The following GARNL3 variants were observed in gnomAD, a reference collection of about 807,000 sequenced individuals.
GARNL3 encodes GTPase activating Rap/RanGAP domain like 3.
In GARNL3, 63 loss-of-function variants were observed where a neutral mutation model predicts 125.0. The ratio of observed to expected loss-of-function variants is 0.50; its 90% confidence interval spans 0.41 to 0.62. GARNL3 has a LOEUF of 0.62. Among genes scored for constraint, GARNL3 ranks in the 20% least tolerant of loss-of-function variants. The pLI, the probability that GARNL3 is intolerant of heterozygous loss-of-function variation, is 0.00. For missense variants in GARNL3, 994 were observed against 1,244.0 expected, an observed-to-expected ratio of 0.80 and a Z score of 3.02; for synonymous variants, 439 against 457.5, an observed-to-expected ratio of 0.96 and a Z score of 0.52.
At chr9:127,335,376 GGAGAGGGCACCATTATGATTCCATAGA>G in intron 10 of GARNL3, 43 bp downstream of exon 10, 1 of 1,384,588 alleles carries the variant, frequency 7.2e-7, no homozygotes, top group Non-Finnish European at 1.0e-6. Context: ...ATGTGAATGT[GGAGAGGGCACCATTATGATTCCATAGA>G]ATTAGGGGCT....
At chr9:127,328,804 C>A (rs143517944) in intron 7 of GARNL3, among the ~76,000 whole-genome samples, 407 of 152,210 alleles carry the variant, frequency 2.7e-3, no homozygotes, top group African/African-American at 9.2e-3. Flanking sequence ...ATGTGACTGC[C>A]TGTTGGTTTG....
intron 7 of GARNL3, among the ~76,000 whole-genome samples, chr9:127,330,457 A>G (rs1829160039): frequency 6.6e-6 from 1 of 152,240 alleles, no homozygotes; most frequent in Non-Finnish European, 1.5e-5. Context: ...TTCTTTTCTC[A>G]TTTATTATGC....
chr9:127,317,845 T>C (rs1441114638), intron 4 of GARNL3, among the ~76,000 whole-genome samples: 3 of 152,218 alleles, frequency 2.0e-5, no homozygotes, highest in Non-Finnish European at 2.9e-5. Flanking sequence ...TTGAAGGCCA[T>C]GCTGAAATCC....
chr9:127,252,947 A>G (rs1050447086), intron 2 of GARNL3, among the ~76,000 whole-genome samples: 1 of 152,210 alleles, frequency 6.6e-6, no homozygotes, highest in African/African-American at 2.4e-5. Flanking sequence ...GTCACAATCT[A>G]TTCATTATGA....
chr9:127,246,671 G>A (rs555624171), intron 2 of GARNL3, among the ~76,000 whole-genome samples: 51 of 152,124 alleles, frequency 3.4e-4, no homozygotes, highest in Non-Finnish European at 6.2e-4. Flanking sequence ...GCCAGGTGGG[G>A]TGACATGTGC....
chr9:127,377,294 G>C (rs902234775), intron 22 of GARNL3, among the ~76,000 whole-genome samples: 2 of 151,972 alleles, frequency 1.3e-5, no homozygotes, highest in African/African-American at 4.8e-5. Flanking sequence ...AATCTGTAGA[G>C]ACATGATGAA....
rs143096496 is a variant in GARNL3, at chr9:127,290,677, C to T, written c.145-491C>T. ...TTGCCAGAGCTAAAACACAGTCTGC[C>T]TGCCTGGGGAGGGACTAATTGGCCT... On this transcript the variant is annotated intron_variant, in intron 1 of 27. Coordinates refer to ENST00000373387, the MANE Select transcript of GARNL3 (RefSeq NM_032293.5). Among the ~76,000 whole-genome samples, 477 of 152,328 alleles carry T rather than the reference C, an allele frequency of 3.1e-3. 2 individuals are homozygous for T. The highest frequency in any genetic ancestry group is 0.011 in the African/African-American group (463 of 41,584).
intron 2 of GARNL3, among the ~76,000 whole-genome samples, chr9:127,297,146 C>T (rs1200034243): frequency 6.6e-6 from 1 of 151,756 alleles, no homozygotes; most frequent in Non-Finnish European, 1.5e-5. Context: ...TTTTTCTTTT[C>T]TTTTTTGAGA....
Position 127,226,733 on chromosome 9 carries a change from A to G in GARNL3, c.-29+2395A>G, listed in dbSNP as rs1424313596. On this transcript the variant is annotated intron_variant, in intron 1 of 10. Coordinates refer to the GARNL3 transcript ENST00000439286. ...GCACCTGTCTTCAAGTCCACATAAC[A>G]CTGCGTGTAGTTACCCAGGTAGTAT... is the stretch of plus-strand genomic sequence containing the variant. Among the ~76,000 whole-genome samples, 74 of 152,084 alleles carry G rather than the reference A, an allele frequency of 4.9e-4. 1 individual carries two copies. The highest frequency in any genetic ancestry group is 5.9e-5 in the Non-Finnish European group (4 of 68,020).
At chr9:127,257,208 G>T (rs775849202) in intron 2 of GARNL3, among the ~76,000 whole-genome samples, 4 of 152,156 alleles carry the variant, frequency 2.6e-5, no homozygotes, top group Non-Finnish European at 4.4e-5. Context: ...CCAGTTTTTG[G>T]CTGTTATCAA....
At chr9:127,351,855 G>C (rs1830439211) in intron 17 of GARNL3, among the ~76,000 whole-genome samples, 1 of 152,210 alleles carries the variant, frequency 6.6e-6, no homozygotes, top group Non-Finnish European at 1.5e-5. Flanking sequence ...TCTTCATAAA[G>C]AGATTACAGG....
intron 1 of GARNL3, among the ~76,000 whole-genome samples, chr9:127,235,167 G>C (rs2063088303): frequency 6.6e-6 from 1 of 151,382 alleles, no homozygotes; most frequent in African/African-American, 2.4e-5. Flanking sequence ...CCAAATTATT[G>C]AGAAAGTTTC....
chr9:127,292,517 A>C (rs2064453200), intron 2 of GARNL3, among the ~76,000 whole-genome samples: 1 of 152,202 alleles, frequency 6.6e-6, no homozygotes, highest in Non-Finnish European at 1.5e-5. Context: ...TTGAGAGCCC[A>C]TGGAGGCTGT....
At chr9:127,258,068 T>G (rs1157889586) in intron 2 of GARNL3, among the ~76,000 whole-genome samples, 1 of 152,006 alleles carries the variant, frequency 6.6e-6, no homozygotes, top group East Asian at 1.9e-4. Flanking sequence ...GGTGGTCATG[T>G]GTGATGGAGC....
chr9:127,236,462 G>A (rs935029412), intron 1 of GARNL3, among the ~76,000 whole-genome samples: 1 of 152,190 alleles, frequency 6.6e-6, no homozygotes, highest in Non-Finnish European at 1.5e-5. Context: ...TAGAAATAGG[G>A]TCTCTAGACC....
intron 2 of GARNL3, among the ~76,000 whole-genome samples, chr9:127,256,579 A>T (rs150823806): frequency 9.2e-5 from 14 of 152,346 alleles, no homozygotes; most frequent in African/African-American, 3.4e-4. Flanking sequence ...CAGGTTCAGC[A>T]CCTGGCACAG....
At chr9:127,291,339 C>G (rs915084879) in intron 2 of GARNL3, 97 bp downstream of exon 2, 3 of 1,026,196 alleles carry the variant, frequency 2.9e-6, no homozygotes, top group Admixed American at 2.1e-5. Context: ...GTAAATAGAG[C>G]TTTTCAGAGC....
chr9:127,293,617 A>G (rs1424521691), intron 2 of GARNL3, among the ~76,000 whole-genome samples: 2 of 151,980 alleles, frequency 1.3e-5, no homozygotes, highest in African/African-American at 2.4e-5. Context: ...TTCTTTAAAC[A>G]TAGTGTAATG....
intron 1 of GARNL3, among the ~76,000 whole-genome samples, chr9:127,230,493 A>G (rs1305692497): frequency 2.0e-5 from 3 of 151,964 alleles, no homozygotes; most frequent in African/African-American, 7.3e-5. Flanking sequence ...CGTCTCTACT[A>G]AAAATACAAA....
Sources: gnomAD v4.1 joint callset for allele counts (sites outside exome capture counted in the v4.1 genomes callset) on GRCh38, gnomAD v4.1.1 for gene constraint, MANE v1.5 for transcripts, NCBI Gene and HGNC (gene_info 2026-07-23, HGNC 2026-07-21) for gene names.